The following LMBR1L variants were observed in gnomAD, a reference collection of about 807,000 sequenced individuals.
The protein encoded by LMBR1L is protein LMBR1L.
In LMBR1L, 47 loss-of-function variants were observed where a neutral mutation model predicts 67.3. The observed-to-expected ratio is 0.70, with a 90% confidence interval of 0.55 to 0.89. The LOEUF is 0.89. Ranked by LOEUF, LMBR1L falls within the 40% of genes least tolerant of loss-of-function variation. The pLI is 0.00. For missense variants in LMBR1L, 533 were observed against 599.2 expected, an observed-to-expected ratio of 0.89 and a Z score of 1.15; for synonymous variants, 247 against 250.3, an observed-to-expected ratio of 0.99 and a Z score of 0.13.
In LMBR1L at chr12:49,102,882, C is replaced by T. The variant is rs1309727298; in HGVS notation, c.696+5G>A. The stretch of plus-strand genomic sequence containing the variant: ...CAGGATCAAAGAGCAAGGAATACCA[C>T]ATACCCGGGGCTTGACTAGCAGCTT... On this transcript the variant is annotated splice_donor_5th_base_variant and intron_variant, in intron 8 of 16. Coordinates refer to ENST00000267102, the MANE Select transcript of LMBR1L (RefSeq NM_018113.4). 1.9e-6 allele frequency: 3 copies of T among 1,613,796 alleles called. No individual in the cohort carries two copies. The highest frequency in any genetic ancestry group is 1.1e-5 in the South Asian group (1 of 91,086).
rs1387825447 is a variant in LMBR1L, at chr12:49,102,906, T to C, written c.677A>G (p.Lys226Arg). The C allele has an allele frequency of 1.2e-6, 2 of 1,613,982 alleles. No individual in the cohort carries two copies. Among genetic ancestry groups the C allele is most frequent in the African/African-American group, 2.7e-5 (2 of 74,894 alleles). The change falls in exon 8 of 17, where the codon AAG (lysine) becomes AGG (arginine). Residue 226 changes from lysine (K) to arginine (R), a missense_variant. By Grantham distance (26) the Lys-to-Arg change is conservative (BLOSUM62 2). This residue lies in a region of LMBR1L where 64 missense variants were observed against 109.0 expected (regional missense o/e 0.59). Coordinates refer to ENST00000267102, the MANE Select transcript of LMBR1L (RefSeq NM_018113.4). ...GLARMFSVTG[K>R]LLVKPRLLED... ...ACATACCCGGGGCTTGACTAGCAGC[T>C]TCCCAGTGACGGAGAACATGCGGGC...
chr12:49,100,498 C>T (rs1484747593), intron 14 of LMBR1L, 44 bp from the exon 15 acceptor site: 3 of 1,605,258 alleles, frequency 1.9e-6, no homozygotes, highest in Admixed American at 1.7e-5. Flanking sequence ...GGAAGAGCTG[C>T]AGGCACCTAG....
chr12:49,106,348 A>G (rs1038924596), intron 2 of LMBR1L: 23 of 371,766 alleles, frequency 6.2e-5, no homozygotes, highest in Non-Finnish European at 1.2e-4. Context: ...ATTCACACAG[A>G]AAGTCCCCAG....
intron 11 of LMBR1L, 65 bp downstream of exon 11, chr12:49,102,055 C>T (rs779460669): frequency 2.7e-5 from 38 of 1,415,374 alleles, no homozygotes; most frequent in Non-Finnish European, 3.6e-5. Flanking sequence ...CATTGCCTCC[C>T]CTCTCCCTGA....
chr12:49,102,741 G>A, intron 8 of LMBR1L, 146 bp downstream of exon 8: 4 of 867,250 alleles, frequency 4.6e-6, no homozygotes, highest in Non-Finnish European at 7.4e-6. Flanking sequence ...AGCTCTGCAT[G>A]ATAGGGGTAC....
intron 3 of LMBR1L, among the ~76,000 whole-genome samples, chr12:49,105,637 T>A (rs1250506790): frequency 6.6e-6 from 1 of 152,092 alleles, no homozygotes; most frequent in Non-Finnish European, 1.5e-5. Context: ...TCCCTATTGG[T>A]CGCTGGGAGG....
Position 49,098,026 on chromosome 12 carries a change from G to A in LMBR1L, c.1320C>T (p.Asn440=), listed in dbSNP as rs150507138. 103 of 1,614,166 alleles carry A rather than the reference G, an allele frequency of 6.4e-5. No individual in the cohort carries two copies. The African/African-American group carries it at 9.9e-4, about 15-fold the overall frequency. ...GTGTGGTGAGGCCTGCAAAGGCTGC[G>A]TTGTAGAGGAACACAATGTAGAAAT... ...LGNFYIVFLY[N]AAFAGLTTLC... Residue 440 remains asparagine, a synonymous_variant, in exon 16 of 17, where the codon AAC becomes AAT. Transcript: ENST00000267102.
chr12:49,104,184 G>A (rs1484651144), intron 5 of LMBR1L: 2 of 503,458 alleles, frequency 4.0e-6, no homozygotes, highest in East Asian at 3.4e-5. Flanking sequence ...CTGCCACCAT[G>A]GTTTTGGCAG....
At chr12:49,106,191 T>C (rs1023686191) in intron 2 of LMBR1L, 8 of 556,846 alleles carry the variant, frequency 1.4e-5, no homozygotes, top group African/African-American at 9.4e-5. Flanking sequence ...GACATTCCTA[T>C]ACTTCTTTAC....
intron 16 of LMBR1L, 32 bp from the exon 17 acceptor site, chr12:49,097,771 A>C (rs952826681): frequency 4.3e-6 from 7 of 1,613,590 alleles, no homozygotes; most frequent in African/African-American, 1.3e-5. Context: ...GTCAAAAGCA[A>C]GTCAAAGGTC....
At chr12:49,109,770 C>T (rs975828423) in intron 1 of LMBR1L, 1 of 455,946 alleles carries the variant, frequency 2.2e-6, no homozygotes, top group Admixed American at 2.4e-5. Flanking sequence ...GTTCAGTTGT[C>T]GCTCTAAGTG....
At position 49,110,754 on chromosome 12, in the gene LMBR1L, G is replaced by T. The variant is rs1235165005; in HGVS notation, c.-199C>A. ...TAAAGGGGCAGGCACCACCCGCCTCGTTTTAAAGGGCTCTGTCCTCCCTTT... is the reference window on the plus strand; with the variant it reads ...TAAAGGGGCAGGCACCACCCGCCTCTTTTTAAAGGGCTCTGTCCTCCCTTT... On this transcript the variant is annotated 5_prime_UTR_variant, in exon 1 of 17. Transcript: ENST00000267102. The T allele has an allele frequency of 3.4e-6, 2 of 593,372 alleles. No homozygotes were observed. The highest frequency in any genetic ancestry group is 2.0e-5 in the South Asian group (1 of 50,008). The allele number at this position is 593,372 out of a possible 1,614,324, so 36.8% of individuals were successfully genotyped here. A position where few individuals can be genotyped will look rare whatever the true frequency, so the allele number is the denominator to read the frequency against.
intron 3 of LMBR1L, chr12:49,105,216 G>C (rs1414795821): frequency 3.4e-6 from 1 of 294,954 alleles, no homozygotes; most frequent in Non-Finnish European, 6.5e-6. Context: ...GCCAAAACTA[G>C]GGGACCTGGC....
At chr12:49,102,806 C>T in intron 8 of LMBR1L, 81 bp downstream of exon 8, 1 of 1,340,112 alleles carries the variant, frequency 7.5e-7, no homozygotes, top group Non-Finnish European at 1.1e-6. Context: ...TACTACACAA[C>T]CATAGGGTTG....
chr12:49,107,261 C>T (rs1941027001), intron 1 of LMBR1L, among the ~76,000 whole-genome samples: 1 of 152,212 alleles, frequency 6.6e-6, no homozygotes, highest in African/African-American at 2.4e-5. Flanking sequence ...CAGGGGCTGC[C>T]CCATGCACCT....
intron 15 of LMBR1L, 41 bp downstream of exon 15, chr12:49,100,346 CA>C (rs1415592610): frequency 1.1e-5 from 17 of 1,525,222 alleles, no homozygotes; most frequent in Non-Finnish European, 9.1e-6. Flanking sequence ...AGTAAGTACT[CA>C]AAAAAATCCA....
intron 12 of LMBR1L, 29 bp downstream of exon 12, chr12:49,101,443 A>G (rs372271070): frequency 4.7e-5 from 76 of 1,610,326 alleles, no homozygotes; most frequent in Admixed American, 1.2e-4. Context: ...GCCCTCCCCA[A>G]AGGATATGGT....
At chr12:49,106,236 T>G (rs1263117728) in intron 2 of LMBR1L, among the ~76,000 whole-genome samples, 2 of 152,176 alleles carry the variant, frequency 1.3e-5, no homozygotes, top group Non-Finnish European at 2.9e-5. Flanking sequence ...AAGTTCCTCT[T>G]TATATGCTCA....
Position 49,097,483 on chromosome 12 carries a change from TG to T in LMBR1L, c.*188del. 1 of 615,250 alleles carries T rather than the reference TG, an allele frequency of 1.6e-6. No individual in the cohort carries two copies. The highest frequency in any genetic ancestry group is 2.9e-6 in the Non-Finnish European group (1 of 345,896). The allele number at this position is 615,250 out of a possible 1,614,324, so 38.1% of individuals were successfully genotyped here. A position where few individuals can be genotyped will look rare whatever the true frequency, so the allele number is the denominator to read the frequency against. On this transcript the variant is annotated 3_prime_UTR_variant, in exon 17 of 17. Transcript: ENST00000267102. ...CCCATGCTGAGGCCACAGTTAAGTA[TG>T]GAAAAGCAGGAGGTCCTGGTCCCAA...
Sources: allele counts gnomAD v4.1 joint callset (sites outside exome capture counted in the v4.1 genomes callset), GRCh38; gene constraint gnomAD v4.1.1; regional missense constraint gnomAD v4.1.1; transcripts MANE v1.5; gene names NCBI Gene and HGNC (gene_info 2026-07-23, HGNC 2026-07-21).